The following ARHGAP44 variants were observed in gnomAD, a reference collection of about 807,000 sequenced individuals.
ARHGAP44 encodes the protein Rho GTPase activating protein 44.
A neutral mutation model predicts 106.8 loss-of-function variants in ARHGAP44; 43 were observed. The observed-to-expected ratio is 0.40, with a 90% CI of 0.32 to 0.52. ARHGAP44 has a LOEUF of 0.52. Ranked by LOEUF, ARHGAP44 falls within the 20% of genes least tolerant of loss-of-function variation. The pLI is 0.48. For synonymous variants in ARHGAP44, 439 were observed against 410.3 expected (o/e 1.07, Z -0.85); for missense variants, 866 against 1,050.5 (o/e 0.82, Z 2.43).
intron 3 of ARHGAP44, among the ~76,000 whole-genome samples, chr17:12,903,138 AGAGTGT>A (rs1265219740): frequency 1.1e-4 from 10 of 94,748 alleles, no homozygotes; most frequent in African/African-American, 3.6e-4. Flanking sequence ...AGAGAGAGAG[AGAGTGT>A]GTGTGTGTGT....
intron 3 of ARHGAP44, among the ~76,000 whole-genome samples, chr17:12,902,252 C>T (rs2037395226): frequency 6.6e-6 from 1 of 152,072 alleles, no homozygotes; most frequent in Non-Finnish European, 1.5e-5. Context: ...ACTGAGCATG[C>T]CCAGCTCACA....
chr17:12,962,287 A>T (rs1482289407), intron 16 of ARHGAP44, among the ~76,000 whole-genome samples: 2 of 152,060 alleles, frequency 1.3e-5, no homozygotes, highest in African/African-American at 4.8e-5. Context: ...TTTGGTCCTG[A>T]TGCCTTTCTG....
intron 1 of ARHGAP44, among the ~76,000 whole-genome samples, chr17:12,882,978 A>G (rs953454095): frequency 3.3e-5 from 5 of 151,914 alleles, no homozygotes; most frequent in East Asian, 3.8e-4. Context: ...AAGAATTTAT[A>G]TTCTTTGTAT....
rs79968530 is a variant in ARHGAP44, at chr17:12,915,485, A to G, written c.276-415A>G. On this transcript the variant is annotated intron_variant, in intron 4 of 20. Transcript: ENST00000379672. ...GTCTATATATCCATGTACTAATTAC[A>G]TTTTCGTGGCTTAGGAGTCAGGGCT... Among the ~76,000 whole-genome samples, 82 of 152,080 alleles carry G rather than the reference A, an allele frequency of 5.4e-4. 1 individual carries two copies. The East Asian group carries it at 0.014, about 27-fold the overall frequency.
chr17:12,922,770 T>C (rs2150958929), intron 6 of ARHGAP44, among the ~76,000 whole-genome samples: 1 of 152,288 alleles, frequency 6.6e-6, no homozygotes, highest in South Asian at 2.1e-4. Flanking sequence ...AGCTAATTTT[T>C]GTATTTTTAG....
chr17:12,885,628 C>A (rs1024963547), intron 1 of ARHGAP44, among the ~76,000 whole-genome samples: 4 of 151,956 alleles, frequency 2.6e-5, no homozygotes, highest in Admixed American at 2.6e-4. Context: ...AATGTTGAAC[C>A]ATCTTTTCTG....
intron 17 of ARHGAP44, chr17:12,973,730 C>A: frequency 2.0e-6 from 1 of 497,596 alleles, no homozygotes; most frequent in Non-Finnish European, 3.6e-6. Context: ...CCACACACCG[C>A]TGTGAGGAAG....
chr17:12,842,414 CAAAAAAAAAAAAAAAAAAAGAAAG>C (rs1200673713), intron 1 of ARHGAP44, among the ~76,000 whole-genome samples: 1 of 56,426 alleles, frequency 1.8e-5, no homozygotes. Context: ...GAGACCATCT[CAAAAAAAAAAAAAAAAAAAGAAAG>C]AAAAAAGAAA....
intron 1 of ARHGAP44, among the ~76,000 whole-genome samples, chr17:12,874,279 G>A (rs981660804): frequency 3.9e-5 from 6 of 152,182 alleles, no homozygotes; most frequent in Non-Finnish European, 8.8e-5. Context: ...GCTGAAGACC[G>A]GGTCACATGG....
intron 1 of ARHGAP44, among the ~76,000 whole-genome samples, chr17:12,847,477 C>T (rs2035600715): frequency 6.6e-6 from 1 of 151,042 alleles, no homozygotes; most frequent in South Asian, 2.1e-4. Context: ...GTAGCCTCAG[C>T]CCTCCCCTAC....
Position 12,949,401 on chromosome 17 carries a change from G to A in ARHGAP44, c.973+150G>A. 1 of 928,338 alleles carries A rather than the reference G, an allele frequency of 1.1e-6. No individual in the cohort carries two copies. The highest frequency in any genetic ancestry group is 1.6e-6 in the Non-Finnish European group (1 of 621,474). 57.5% of individuals were successfully genotyped at this position (928,338 alleles called of 1,614,324 possible). On this transcript the variant is annotated intron_variant, in intron 11 of 20. Coordinates refer to ENST00000379672, the MANE Select transcript of ARHGAP44 (RefSeq NM_014859.6). This position sits in a 1 kb window ranked among gnomAD's most constrained non-coding sequence, Gnocchi z 4.1. Reference sequence around the variant, plus strand: ...CACTCAGTGCCCAGTTTCAGGGCTGGGTGCTCTGGCCCCTTGAAGGAAGGC... The same window carrying A: ...CACTCAGTGCCCAGTTTCAGGGCTGAGTGCTCTGGCCCCTTGAAGGAAGGC...
intron 6 of ARHGAP44, among the ~76,000 whole-genome samples, chr17:12,925,768 A>G (rs1033679264): frequency 1.3e-5 from 2 of 152,182 alleles, no homozygotes; most frequent in Non-Finnish European, 2.9e-5. Flanking sequence ...TTCCTTGGAC[A>G]ATGTCTAGTG....
At chr17:12,892,762 G>A (rs373709612) in intron 1 of ARHGAP44, among the ~76,000 whole-genome samples, 13 of 149,264 alleles carry the variant, frequency 8.7e-5, no homozygotes, top group African/African-American at 1.2e-4. Flanking sequence ...TCATCTGCCC[G>A]CTCTGTTCTG....
chr17:12,908,528 C>CTAATACACTCCTTAAGAGACA (rs2037632027), intron 3 of ARHGAP44, among the ~76,000 whole-genome samples: 1 of 152,126 alleles, frequency 6.6e-6, no homozygotes, highest in Non-Finnish European at 1.5e-5. Context: ...TAAAATAAGG[C>CTAATACACTCCTTAAGAGACA]TAATACACTC....
In ARHGAP44 at chr17:12,841,628, ACACACACAC is replaced by A. The variant is rs1567642334; in HGVS notation, c.53+51738_53+51746del. ...CACACACACACACACACACACACAC[ACACACACAC>A]ACAAACAAACAAACAAAAACCACAC... On this transcript the variant is annotated intron_variant, in intron 1 of 20. Transcript: ENST00000379672. 3.0e-3 allele frequency among the ~76,000 whole-genome samples: 416 copies of A among 138,942 alleles called. 1 individual carries two copies. Among genetic ancestry groups the A allele is most frequent in the Non-Finnish European group, 4.4e-3 (288 of 65,056 alleles). The allele number at this position is 138,942 out of a possible 152,430, so 91.2% of individuals were successfully genotyped here. A position where few individuals can be genotyped will look rare whatever the true frequency, so the allele number is the denominator to read the frequency against.
chr17:12,829,062 G>A (rs1364994024), intron 1 of ARHGAP44, among the ~76,000 whole-genome samples: 4 of 152,094 alleles, frequency 2.6e-5, no homozygotes, highest in Admixed American at 6.6e-5. Context: ...CATTAAACAA[G>A]TCACGCAACT....
chr17:12,842,414 CAA>C (rs558245390), intron 1 of ARHGAP44, among the ~76,000 whole-genome samples: 3,069 of 56,238 alleles, frequency 0.055, 40 homozygotes, highest in East Asian at 0.15. Flanking sequence ...GAGACCATCT[CAA>C]AAAAAAAAAA....
intron 20 of ARHGAP44, chr17:12,986,931 T>G: frequency 1.6e-6 from 1 of 608,728 alleles, no homozygotes; most frequent in Non-Finnish European, 2.8e-6. Context: ...CAGCAGACTG[T>G]TGTTTTGTCC....
In ARHGAP44 at chr17:12,943,951, A is replaced by G. The variant is rs939592742; in HGVS notation, c.734-118A>G. The G allele has an allele frequency of 6.0e-5, 82 of 1,371,962 alleles. No homozygotes were observed. In the Middle Eastern group the frequency reaches 9.2e-4, roughly 15 times the overall value. 85.0% of individuals were successfully genotyped at this position (1,371,962 alleles called of 1,614,324 possible). A position where few individuals can be genotyped will look rare whatever the true frequency, so the allele number is the denominator to read the frequency against. ...CTTAAAACCACAGAATGGAGGCTCA[A>G]TTGGGCCTCCCTCTCTTTGGTAATC... On this transcript the variant is annotated intron_variant, in intron 9 of 20. Coordinates refer to ENST00000379672, the MANE Select transcript of ARHGAP44 (RefSeq NM_014859.6).
Sources: gnomAD v4.1 joint callset for allele counts (sites outside exome capture counted in the v4.1 genomes callset) on GRCh38, gnomAD v4.1.1 for gene constraint, Gnocchi (gnomAD v3.1) non-coding constraint, MANE v1.5 for transcripts, NCBI Gene and HGNC (gene_info 2026-07-23, HGNC 2026-07-21) for gene names.